Variants in USP50 observed in about 807,000 individuals in gnomAD.
The protein encoded by USP50 is ubiquitin carboxyl-terminal hydrolase 50.
In USP50, 37 loss-of-function variants were observed where a neutral mutation model predicts 39.2. That is an observed-to-expected ratio of 0.94 (90% CI 0.73 to 1.24). The LOEUF (loss-of-function observed/expected upper bound fraction) is 1.24. Ranked by LOEUF, USP50 falls within the 50% of genes most tolerant of loss-of-function variation. The pLI is 0.00. For missense variants in USP50, 374 were observed against 398.2 expected, an observed-to-expected ratio of 0.94 and a Z score of 0.52; for synonymous variants, 139 against 144.5, an observed-to-expected ratio of 0.96 and a Z score of 0.27.
intron 6 of USP50, among the ~76,000 whole-genome samples, chr15:50,523,678 A>G (rs1453989110): frequency 6.6e-6 from 1 of 152,238 alleles, no homozygotes; most frequent in Non-Finnish European, 1.5e-5. Context: ...TTGGATTTGA[A>G]AAATTAACAT....
intron 5 of USP50, among the ~76,000 whole-genome samples, chr15:50,536,887 A>G (rs559802395): frequency 1.1e-4 from 16 of 152,318 alleles, no homozygotes; most frequent in African/African-American, 3.8e-4. Flanking sequence ...TGATCTGTAA[A>G]TACAATGCAA....
At chr15:50,532,075 G>C (rs752709456) in intron 5 of USP50, 42 of 455,870 alleles carry the variant, frequency 9.2e-5, no homozygotes, top group Non-Finnish European at 1.6e-4. Flanking sequence ...AACCTGAACT[G>C]TAATTGATGA....
In USP50 at chr15:50,534,947, C is replaced by A. The variant is rs531060608; in HGVS notation, c.803+3762G>T. Among the ~76,000 whole-genome samples the A allele has an allele frequency of 3.3e-5, 5 of 152,258 alleles. No homozygotes were observed. The South Asian group carries it at 8.3e-4, about 25-fold the overall frequency. ...CTTGAAGTCAGGAGTTCAAGCCCAGCCTGGCCAACATGGCTAAACCCTGTC... is the reference window on the plus strand; with the variant it reads ...CTTGAAGTCAGGAGTTCAAGCCCAGACTGGCCAACATGGCTAAACCCTGTC... On this transcript the variant is annotated intron_variant, in intron 5 of 6. Coordinates refer to ENST00000532404, the MANE Select transcript of USP50 (RefSeq NM_203494.5).
chr15:50,510,160 T>TA (rs1222163494), intron 6 of USP50: 2 of 151,360 alleles, frequency 1.3e-5, no homozygotes, highest in African/African-American at 4.9e-5. Flanking sequence ...CATTATATGT[T>TA]ACTGAGGAAA....
chr15:50,544,390 T>TA lies in USP50; in HGVS notation c.248+196dup, dbSNP rs112012122. Among the ~76,000 whole-genome samples, 428 of 146,570 alleles carry TA rather than the reference T, an allele frequency of 2.9e-3. 3 individuals carry two copies. The highest frequency in any genetic ancestry group is 0.01 in the African/African-American group (414 of 39,774). On this transcript the variant is annotated intron_variant, in intron 2 of 6. Transcript: ENST00000532404. ...AACAACAATAAAAAAAAATAAAAAA[T>TA]AAAAAAAAAAGGAGCTGCATTCATT...
At chr15:50,525,787 G>C (rs1043791479) in intron 6 of USP50, among the ~76,000 whole-genome samples, 3 of 121,348 alleles carry the variant, frequency 2.5e-5, no homozygotes, top group African/African-American at 9.5e-5. Context: ...ATAAAATTTT[G>C]ATTTATCAAT....
At chr15:50,497,777 C>T (rs1431235608), downstream of USP50, 1 of 152,154 alleles carries the variant, frequency 6.6e-6, no homozygotes, top group African/African-American at 2.4e-5. Flanking sequence ...CACATAATCA[C>T]ATAATCCATG....
chr15:50,541,448 G>A (rs2053029558), intron 3 of USP50, among the ~76,000 whole-genome samples, 184 bp from the exon 4 acceptor site: 1 of 152,036 alleles, frequency 6.6e-6, no homozygotes, highest in Non-Finnish European at 1.5e-5. Flanking sequence ...AGGAGTTTGA[G>A]ACTGCAGTGA....
downstream of USP50, chr15:50,497,698 C>T (rs1163776875): frequency 6.6e-6 from 1 of 152,064 alleles, no homozygotes; most frequent in African/African-American, 2.4e-5. Context: ...AGATCTAGTC[C>T]TATAATAGAA....
At chr15:50,498,338 C>A (rs1455966125), downstream of USP50, 3 of 324,076 alleles carry the variant, frequency 9.3e-6, no homozygotes, top group South Asian at 2.0e-4. Flanking sequence ...TGTAGCTGGA[C>A]CAGAGTATAG....
intron 6 of USP50, chr15:50,504,153 A>G (rs2052626955): frequency 6.6e-6 from 1 of 152,218 alleles, no homozygotes; most frequent in Admixed American, 6.5e-5. Flanking sequence ...TTTACATAGT[A>G]TTTATATTGT....
chr15:50,505,683 G>C (rs2052648763), intron 6 of USP50: 1 of 152,302 alleles, frequency 6.6e-6, no homozygotes, highest in Admixed American at 6.5e-5. Flanking sequence ...AACCGGCTGG[G>C]CATGGTGGTT....
intron 6 of USP50, among the ~76,000 whole-genome samples, chr15:50,515,538 A>G (rs905161863): frequency 6.6e-6 from 1 of 151,952 alleles, no homozygotes; most frequent in Non-Finnish European, 1.5e-5. Context: ...CACCACACCC[A>G]GACTATGAGG....
At chr15:50,525,512 ATATATG>A (rs1291588747) in intron 6 of USP50, among the ~76,000 whole-genome samples, 27 of 117,080 alleles carry the variant, frequency 2.3e-4, no homozygotes, top group African/African-American at 8.6e-4. Context: ...GTGTGTGTAT[ATATATG>A]TATATATGTA....
At position 50,495,279 on chromosome 15, in the gene USP50, T is replaced by C. The variant is rs2052340959; in HGVS notation, n.185-1149A>G. On this transcript the variant is annotated intron_variant and non_coding_transcript_variant, in intron 1 of 1. Transcript: ENST00000560159. ...ATACATACATATATACACATATATA[T>C]ACACATACATATATACATATATACG... 4.2e-4 allele frequency among the ~76,000 whole-genome samples: 2 copies of C among 4,806 alleles called. 1 individual carries two copies. The highest frequency in any genetic ancestry group is 0.021 in the South Asian group (2 of 96). The allele number at this position is 4,806 out of a possible 152,430, so 3.2% of individuals were successfully genotyped here.
intron 6 of USP50, among the ~76,000 whole-genome samples, chr15:50,518,943 A>C (rs962868522): frequency 2.0e-5 from 3 of 152,220 alleles, no homozygotes; most frequent in African/African-American, 7.2e-5. Flanking sequence ...AGAATATACA[A>C]GGAACTCAAA....
intron 5 of USP50, among the ~76,000 whole-genome samples, chr15:50,537,861 A>AGAGGGGAGGGGAGGGAGGG (rs2052991595): frequency 1.3e-5 from 1 of 75,662 alleles, no homozygotes; most frequent in African/African-American, 5.1e-5. Context: ...ACTGAAGAAA[A>AGAGGGGAGGGGAGGGAGGG]GAGGGGAGGG....
At chr15:50,537,122 A>G (rs1334775241) in intron 5 of USP50, among the ~76,000 whole-genome samples, 2 of 152,194 alleles carry the variant, frequency 1.3e-5, no homozygotes, top group African/African-American at 4.8e-5. Context: ...GAGAGCTCAG[A>G]AAGGGACCCA....
chr15:50,509,714 A>G, intron 6 of USP50: 1 of 152,182 alleles, frequency 6.6e-6, no homozygotes, highest in East Asian at 1.9e-4. Flanking sequence ...AAAATGAAAA[A>G]ACATGTAATA....
Sources: allele counts gnomAD v4.1 joint callset (sites outside exome capture counted in the v4.1 genomes callset), GRCh38; gene constraint gnomAD v4.1.1; transcripts MANE v1.5; gene names NCBI Gene and HGNC (gene_info 2026-07-23, HGNC 2026-07-21).